The following FANCI variants were observed in gnomAD, a reference collection of about 807,000 sequenced individuals.
FANCI encodes the protein Fanconi anemia group I protein.
In FANCI, 156 loss-of-function variants were observed where a neutral mutation model predicts 176.1. That is an observed-to-expected ratio of 0.89 (90% CI 0.78 to 1.01). The LOEUF (loss-of-function observed/expected upper bound fraction) is 1.01. FANCI is among the 50% of genes least tolerant of loss of function. The probability of loss-of-function intolerance (pLI) is 0.00; values close to 1 mark genes in which losing one functional copy is unlikely to be tolerated. For synonymous variants in FANCI, 613 were observed against 541.7 expected, an observed-to-expected ratio of 1.13 and a Z score of -1.83; for missense variants, 1,678 against 1,534.1, an observed-to-expected ratio of 1.09 and a Z score of -1.57.
intron 27 of FANCI, among the ~76,000 whole-genome samples, chr15:89,302,731 A>G (rs941937341): frequency 6.6e-6 from 1 of 151,452 alleles, no homozygotes; most frequent in Non-Finnish European, 1.5e-5. Flanking sequence ...CTGCCACAAC[A>G]CCCGGCTAAT....
chr15:89,314,768 C>G, intron 36 of FANCI, 61 bp downstream of exon 36: 3 of 1,241,462 alleles, frequency 2.4e-6, no homozygotes, highest in Non-Finnish European at 3.5e-6. Flanking sequence ...ATCTGGCAAA[C>G]TGAAGCAGCA....
intron 18 of FANCI, among the ~76,000 whole-genome samples, chr15:89,287,042 C>T (rs961129401): frequency 3.8e-5 from 5 of 131,794 alleles, no homozygotes; most frequent in African/African-American, 5.7e-5. Flanking sequence ...GGCACAATCT[C>T]GGCTCACTGC....
rs532915095 is a variant in FANCI, at chr15:89,297,814, G to GTT, written c.2637-1978_2637-1977dup. Among the ~76,000 whole-genome samples the GTT allele has an allele frequency of 2.0e-3, 291 of 146,832 alleles. 7 individuals are homozygous for GTT. Among genetic ancestry groups the GTT allele is most frequent in the East Asian group, 0.013 (67 of 5,026 alleles). On this transcript the variant is annotated intron_variant, in intron 24 of 37. Transcript: ENST00000310775. ...GGGGCTCGTTTGTTTTTTTGTTTTT[G>GTT]TTTTTTTTTCATTTAAAGAGATGGG...
chr15:89,296,643 CT>C (rs1163454924), intron 24 of FANCI, among the ~76,000 whole-genome samples: 4 of 152,196 alleles, frequency 2.6e-5, no homozygotes, highest in African/African-American at 9.6e-5. Flanking sequence ...TTTTCCCCAC[CT>C]TTCCCCCCTT....
intron 17 of FANCI, 135 bp from the exon 18 acceptor site, chr15:89,284,961 T>C: frequency 1.1e-6 from 1 of 915,978 alleles, no homozygotes; most frequent in Admixed American, 1.7e-5. Flanking sequence ...GTAATGATTA[T>C]ACTGTGTGTC....
At chr15:89,246,836 G>C (rs992165980) in intron 1 of FANCI, among the ~76,000 whole-genome samples, 1 of 132,470 alleles carries the variant, frequency 7.5e-6, no homozygotes, top group East Asian at 2.3e-4. Context: ...CGTGATCTCC[G>C]CTCACTGCAA....
chr15:89,273,373 C>T lies in FANCI; in HGVS notation c.883-4C>T. The T allele has an allele frequency of 6.7e-7, 1 of 1,502,660 alleles. No homozygotes were observed. The highest frequency in any genetic ancestry group is 9.2e-7 in the Non-Finnish European group (1 of 1,083,534). The allele number at this position is 1,502,660 out of a possible 1,614,324, so 93.1% of individuals were successfully genotyped here. A position where few individuals can be genotyped will look rare whatever the true frequency, so the allele number is the denominator to read the frequency against. On this transcript the variant is annotated splice_polypyrimidine_tract_variant and splice_region_variant and intron_variant, in intron 10 of 37. Transcript: ENST00000310775. ...ATGACTTCCTTTTGGTTGCTCTCTT[C>T]TAGGTAGGACAGCAAGGAGATTCCA...
At chr15:89,302,956 G>A (rs1367628840) in intron 27 of FANCI, among the ~76,000 whole-genome samples, 6 of 152,086 alleles carry the variant, frequency 3.9e-5, no homozygotes, top group Admixed American at 2.0e-4. Flanking sequence ...TATGGTAAAT[G>A]GTGTCCCCCA....
intron 15 of FANCI, 105 bp downstream of exon 15, chr15:89,281,405 C>A (rs1357198626): frequency 3.6e-6 from 5 of 1,376,482 alleles, no homozygotes; most frequent in South Asian, 2.4e-5. Context: ...AAATTCTATT[C>A]CACTTTAGTC....
intron 24 of FANCI, among the ~76,000 whole-genome samples, chr15:89,297,161 G>T (rs1194592127): frequency 7.3e-6 from 1 of 136,144 alleles, no homozygotes; most frequent in Non-Finnish European, 1.7e-5. Flanking sequence ...CTTCTCAGAC[G>T]GGGCGGCCGG....
intron 6 of FANCI, among the ~76,000 whole-genome samples, chr15:89,263,177 A>G (rs2151288595): frequency 1.3e-5 from 2 of 152,360 alleles, no homozygotes; most frequent in East Asian, 1.9e-4. Flanking sequence ...CTAAAACGGT[A>G]TGTGAATAGA....
chr15:89,263,521 A>G (rs2052805797), intron 7 of FANCI, 61 bp downstream of exon 7: 4 of 1,352,340 alleles, frequency 3.0e-6, no homozygotes, highest in Admixed American at 3.4e-5. Context: ...CTTGCTAGAA[A>G]TTAAACTATA....
Position 89,316,560 on chromosome 15 carries a change from C to G in FANCI, c.*101C>G. 2 of 1,303,844 alleles carry G rather than the reference C, an allele frequency of 1.5e-6. No individual in the cohort carries two copies. The highest frequency in any genetic ancestry group is 2.2e-6 in the Non-Finnish European group (2 of 918,020). The allele number at this position is 1,303,844 out of a possible 1,614,324, so 80.8% of individuals were successfully genotyped here. A position where few individuals can be genotyped will look rare whatever the true frequency, so the allele number is the denominator to read the frequency against. The stretch of plus-strand genomic sequence containing the variant: ...CTGTAGTCCACACCGATGTTGGCAT[C>G]TTGGTTCTGAACCCACTGAATTCAA... On this transcript the variant is annotated 3_prime_UTR_variant, in exon 38 of 38. Transcript: ENST00000310775.
chr15:89,284,300 A>G lies in FANCI; in HGVS notation c.1699-796A>G, dbSNP rs28379407. On this transcript the variant is annotated intron_variant, in intron 17 of 37. Transcript: ENST00000310775. The stretch of plus-strand genomic sequence containing the variant: ...TTTGGAGCAATAAAATTGTCTTCAT[A>G]ATTTAAATGATGTACTATAAGATTT... Among the ~76,000 whole-genome samples the G allele has an allele frequency of 5.5e-3, 838 of 152,334 alleles. 10 individuals carry two copies. Among genetic ancestry groups the G allele is most frequent in the African/African-American group, 0.018 (766 of 41,554 alleles).
chr15:89,283,680 TTCTC>T (rs1166883882), intron 17 of FANCI, among the ~76,000 whole-genome samples: 1 of 152,142 alleles, frequency 6.6e-6, no homozygotes, highest in Non-Finnish European at 1.5e-5. Flanking sequence ...CTTTATCTCT[TTCTC>T]TTTTTTAATG....
At chr15:89,281,120 C>G in intron 14 of FANCI, 50 bp from the exon 15 acceptor site, 2 of 1,593,626 alleles carry the variant, frequency 1.3e-6, no homozygotes, top group African/African-American at 1.3e-5. Context: ...TCTTTTATTT[C>G]AGTTATCTTT....
At chr15:89,260,471 T>TC (rs1451565468) in intron 3 of FANCI, among the ~76,000 whole-genome samples, 1 of 152,236 alleles carries the variant, frequency 6.6e-6, no homozygotes, top group Non-Finnish European at 1.5e-5. Flanking sequence ...ATTAGAAGGT[T>TC]ACTTCATCCT....
intron 35 of FANCI, among the ~76,000 whole-genome samples, 194 bp from the exon 36 acceptor site, chr15:89,314,418 A>G (rs796142479): frequency 5.9e-5 from 9 of 152,364 alleles, no homozygotes; most frequent in African/African-American, 1.4e-4. Flanking sequence ...GATCAGTGCA[A>G]TTATCTCTAC....
chr15:89,245,334 A>ATTTTTTTTTTTTTT (rs869076373), intron 1 of FANCI: 1 of 36,148 alleles, frequency 2.8e-5, no homozygotes. Context: ...ACGCCCAGCT[A>ATTTTTTTTTTTTTT]TTTTTTTTTT....
Sources: allele counts gnomAD v4.1 joint callset (sites outside exome capture counted in the v4.1 genomes callset), GRCh38; gene constraint gnomAD v4.1.1; transcripts MANE v1.5; gene names NCBI Gene and HGNC (gene_info 2026-07-23, HGNC 2026-07-21).